The following ASTN2 variants were observed in gnomAD, a reference collection of about 807,000 sequenced individuals.
ASTN2 encodes astrotactin-2.
In ASTN2, 54 loss-of-function variants were observed where a neutral mutation model predicts 139.8. The ratio of observed to expected loss-of-function variants is 0.39; its 90% CI spans 0.31 to 0.48. ASTN2 has a LOEUF of 0.48. ASTN2 is among the 20% of genes least tolerant of loss of function. ASTN2 has a pLI of 0.95. For synonymous variants in ASTN2, 756 were observed against 719.5 expected (o/e 1.05, Z -0.81); for missense variants, 1,565 against 1,725.1 (o/e 0.91, Z 1.64).
intron 19 of ASTN2, among the ~76,000 whole-genome samples, chr9:116,533,307 C>A (rs1187933687): frequency 6.6e-6 from 1 of 152,180 alleles, no homozygotes; most frequent in Non-Finnish European, 1.5e-5. Context: ...CATCTGCAAA[C>A]AGGGACAATT....
chr9:117,086,298 G>A (rs905953659), intron 5 of ASTN2, among the ~76,000 whole-genome samples: 1 of 152,182 alleles, frequency 6.6e-6, no homozygotes, highest in Non-Finnish European at 1.5e-5. Context: ...GTCTTGGCCG[G>A]GTGCGGTGGC....
intron 13 of ASTN2, among the ~76,000 whole-genome samples, chr9:116,784,628 A>G (rs1482773277): frequency 6.6e-6 from 1 of 152,058 alleles, no homozygotes; most frequent in Non-Finnish European, 1.5e-5. Flanking sequence ...GTGACCAACC[A>G]AGTGTTAAAA....
intron 6 of ASTN2, among the ~76,000 whole-genome samples, chr9:117,037,254 G>T (rs1051610811): frequency 1.3e-5 from 2 of 151,848 alleles, no homozygotes; most frequent in Non-Finnish European, 2.9e-5. Context: ...CACCGAGAAA[G>T]GGCACCTTTT....
At chr9:116,688,471 A>C (rs1454777627) in intron 16 of ASTN2, among the ~76,000 whole-genome samples, 1 of 152,164 alleles carries the variant, frequency 6.6e-6, no homozygotes, top group Non-Finnish European at 1.5e-5. Context: ...TATGAAGATG[A>C]GCAGAGTTCA....
At chr9:116,657,790 G>A (rs949436610) in intron 16 of ASTN2, among the ~76,000 whole-genome samples, 1 of 150,308 alleles carries the variant, frequency 6.7e-6, no homozygotes, top group Non-Finnish European at 1.5e-5. Flanking sequence ...GCAGTGAACC[G>A]AGTTTCTGCC....
At chr9:116,870,222 T>C (rs889657056) in intron 10 of ASTN2, among the ~76,000 whole-genome samples, 1 of 152,176 alleles carries the variant, frequency 6.6e-6, no homozygotes, top group Admixed American at 6.5e-5. Flanking sequence ...GAAGTCAGTG[T>C]TGGAGTTAGG....
intron 16 of ASTN2, among the ~76,000 whole-genome samples, chr9:116,691,650 G>A (rs1860572803): frequency 6.6e-6 from 1 of 152,160 alleles, no homozygotes; most frequent in Non-Finnish European, 1.5e-5. Flanking sequence ...TACTTGTTGA[G>A]TTTATCTTAG....
intron 7 of ASTN2, among the ~76,000 whole-genome samples, chr9:117,003,609 C>G (rs556066762): frequency 7.7e-6 from 1 of 129,130 alleles, no homozygotes; most frequent in Non-Finnish European, 1.7e-5. Flanking sequence ...AACTGGCTAA[C>G]ACACACCTTG....
intron 13 of ASTN2, among the ~76,000 whole-genome samples, chr9:116,766,632 C>A (rs865823513): frequency 6.6e-6 from 1 of 151,912 alleles, no homozygotes; most frequent in African/African-American, 2.4e-5. Flanking sequence ...CAGTCAGATA[C>A]CCGTAAATGC....
At chr9:116,507,722 TC>T (rs756566112) in intron 19 of ASTN2, among the ~76,000 whole-genome samples, 10 of 152,268 alleles carry the variant, frequency 6.6e-5, no homozygotes, top group Middle Eastern at 6.8e-3. Context: ...TCCACTTGCC[TC>T]CCTGTCTGAT....
At chr9:116,751,065 C>T (rs1280093498) in intron 13 of ASTN2, among the ~76,000 whole-genome samples, 1 of 151,996 alleles carries the variant, frequency 6.6e-6, no homozygotes, top group Non-Finnish European at 1.5e-5. Flanking sequence ...ATACCCTACT[C>T]CACTCATAGA....
In ASTN2 at chr9:117,171,714, G is replaced by T. The variant is rs1010230232; in HGVS notation, c.1016-30236C>A. Among the ~76,000 whole-genome samples, 9 of 152,088 alleles carry T rather than the reference G, an allele frequency of 5.9e-5. No homozygotes were observed. The East Asian group carries it at 1.6e-3, about 26-fold the overall frequency. On this transcript the variant is annotated intron_variant, in intron 3 of 22. Transcript: ENST00000313400. ...TCTCTCCTACTGCCTTGTGAAGAAG[G>T]TGCTTGCTCCTTCTTCACCTTCGGC... is the stretch of plus-strand genomic sequence containing the variant.
intron 13 of ASTN2, among the ~76,000 whole-genome samples, chr9:116,801,624 AAAAG>A (rs1221804127): frequency 2.0e-5 from 3 of 151,066 alleles, no homozygotes; most frequent in Admixed American, 6.6e-5. Context: ...GAAAGAAAGA[AAAAG>A]AAAGAAAGAA....
At chr9:116,538,787 T>A (rs1851755072) in intron 19 of ASTN2, among the ~76,000 whole-genome samples, 1 of 152,226 alleles carries the variant, frequency 6.6e-6, no homozygotes, top group Non-Finnish European at 1.5e-5. Flanking sequence ...CCTGTGCTTA[T>A]GTGAATCTGG....
At chr9:116,555,602 G>A (rs1016037837) in intron 19 of ASTN2, among the ~76,000 whole-genome samples, 1 of 150,502 alleles carries the variant, frequency 6.6e-6, no homozygotes, top group Non-Finnish European at 1.5e-5. Context: ...CTCTGGGAAA[G>A]CTATTGGATA....
chr9:116,870,273 A>G (rs1056810690), intron 10 of ASTN2, among the ~76,000 whole-genome samples: 1 of 152,226 alleles, frequency 6.6e-6, no homozygotes, highest in Non-Finnish European at 1.5e-5. Flanking sequence ...TCTTTCTCCT[A>G]CATGAATCTT....
chr9:116,543,145 A>G (rs56103734), intron 19 of ASTN2, among the ~76,000 whole-genome samples: 25,513 of 151,750 alleles, frequency 0.17, 2,387 homozygotes, highest in African/African-American at 0.24. Context: ...AAAAATTGAA[A>G]GAAAATGAAG....
intron 22 of ASTN2, among the ~76,000 whole-genome samples, chr9:116,440,392 T>C (rs1847806036): frequency 6.6e-6 from 1 of 152,170 alleles, no homozygotes. Context: ...ATCAATGCCC[T>C]TTCCCCATTC....
At chr9:116,812,818 A>G (rs1478984518) in intron 12 of ASTN2, among the ~76,000 whole-genome samples, 1 of 152,076 alleles carries the variant, frequency 6.6e-6, no homozygotes, top group Admixed American at 6.5e-5. Flanking sequence ...GCATATCACA[A>G]CTGTGGATTT....
Sources: allele counts gnomAD v4.1 joint callset (sites outside exome capture counted in the v4.1 genomes callset), GRCh38; gene constraint gnomAD v4.1.1; transcripts MANE v1.5; gene names NCBI Gene and HGNC (gene_info 2026-07-23, HGNC 2026-07-21).